The following DPP10 variants were observed in gnomAD, a reference collection of about 807,000 sequenced individuals.
DPP10 encodes the protein inactive dipeptidyl peptidase 10.
Under a neutral mutation model 120.9 loss-of-function variants are expected in DPP10, and 33 were observed. That is an observed-to-expected ratio of 0.27 (90% confidence interval 0.21 to 0.37). The LOEUF (loss-of-function observed/expected upper bound fraction) is 0.37, where lower values mean the gene tolerates loss of function less well. DPP10 is among the 10% of genes least tolerant of loss of function. The pLI is 1.00. For synonymous variants in DPP10, 337 were observed against 326.1 expected (o/e 1.03, Z -0.36); for missense variants, 816 against 942.8 (o/e 0.87, Z 1.76).
In DPP10 at chr2:115,675,824, A is replaced by T. The variant is rs556678309; in HGVS notation, c.442-13863A>T. On this transcript the variant is annotated intron_variant, in intron 5 of 25. Coordinates refer to ENST00000410059, the MANE Select transcript of DPP10 (RefSeq NM_020868.6). The stretch of plus-strand genomic sequence containing the variant: ...TGCAGCACAATGACATTTTGAGAGC[A>T]TGGTCACCATCAGAGTACATCCTTC... Among the ~76,000 whole-genome samples, 16 of 152,276 alleles carry T rather than the reference A, an allele frequency of 1.1e-4. 1 individual carries two copies. The South Asian group carries it at 3.3e-3, about 32-fold the overall frequency.
intron 3 of DPP10, among the ~76,000 whole-genome samples, chr2:115,492,134 A>G (rs1430032124): frequency 6.6e-6 from 1 of 152,170 alleles, no homozygotes; most frequent in Non-Finnish European, 1.5e-5. Flanking sequence ...AGAGGAAACA[A>G]AAATATTTGC....
At chr2:115,347,597 A>G (rs866781269) in intron 3 of DPP10, among the ~76,000 whole-genome samples, 10 of 151,984 alleles carry the variant, frequency 6.6e-5, no homozygotes, top group African/African-American at 2.4e-4. Flanking sequence ...CCCATCATCT[A>G]CATTAGGCAT....
chr2:114,612,182 A>G (rs952381925), intron 1 of DPP10, among the ~76,000 whole-genome samples: 3 of 152,110 alleles, frequency 2.0e-5, no homozygotes, highest in African/African-American at 4.8e-5. Flanking sequence ...GATGGCATCA[A>G]GGTACTTTCA....
At chr2:115,396,438 C>A (rs2176955) in intron 3 of DPP10, among the ~76,000 whole-genome samples, 122,952 of 152,142 alleles carry the variant, frequency 0.81, 49,930 homozygotes, top group Admixed American at 0.85. Flanking sequence ...TTGGAAATGA[C>A]TTGCTACGTG....
intron 5 of DPP10, among the ~76,000 whole-genome samples, chr2:115,552,700 A>G (rs893058588): frequency 1.3e-5 from 2 of 152,114 alleles, no homozygotes; most frequent in African/African-American, 4.8e-5. Context: ...TGTATTATCA[A>G]TAAATATTCA....
intron 5 of DPP10, among the ~76,000 whole-genome samples, chr2:115,653,695 G>A (rs1035848300): frequency 2.6e-5 from 4 of 151,652 alleles, no homozygotes; most frequent in African/African-American, 9.7e-5. Flanking sequence ...TTTCCAACTA[G>A]TGAATCCTCT....
intron 5 of DPP10, among the ~76,000 whole-genome samples, chr2:115,597,682 C>G (rs932286300): frequency 6.6e-6 from 1 of 151,572 alleles, no homozygotes; most frequent in African/African-American, 2.4e-5. Context: ...GTGCTCACTC[C>G]TCAAAAATAA....
chr2:114,929,631 C>T (rs758110781), intron 1 of DPP10, among the ~76,000 whole-genome samples: 13 of 152,188 alleles, frequency 8.5e-5, no homozygotes, highest in Non-Finnish European at 1.3e-4. Flanking sequence ...CCCTGAAAAT[C>T]GCTGTTATCC....
At chr2:115,805,654 A>T (rs1685866464) in intron 19 of DPP10, among the ~76,000 whole-genome samples, 2 of 149,678 alleles carry the variant, frequency 1.3e-5, no homozygotes, top group African/African-American at 5.0e-5. Flanking sequence ...GGCTCACTGC[A>T]ACCTCTGCCT....
intron 1 of DPP10, among the ~76,000 whole-genome samples, chr2:114,817,553 T>G (rs1028133835): frequency 1.3e-5 from 2 of 152,142 alleles, no homozygotes; most frequent in African/African-American, 4.8e-5. Flanking sequence ...GTTCTGGCCG[T>G]AGAGAAATGT....
intron 1 of DPP10, among the ~76,000 whole-genome samples, chr2:114,502,855 C>A (rs1032391470): frequency 3.9e-5 from 6 of 152,134 alleles, no homozygotes; most frequent in African/African-American, 1.4e-4. Flanking sequence ...GATTTCTATG[C>A]AAATTGAGAT....
At chr2:114,596,583 C>A (rs1377992351) in intron 1 of DPP10, among the ~76,000 whole-genome samples, 1 of 152,022 alleles carries the variant, frequency 6.6e-6, no homozygotes, top group African/African-American at 2.4e-5. Context: ...TTTCGGTGTT[C>A]ACTTTGTAGT....
chr2:115,543,495 T>C (rs187976353), intron 5 of DPP10, among the ~76,000 whole-genome samples: 1 of 152,158 alleles, frequency 6.6e-6, no homozygotes, highest in East Asian at 1.9e-4. Flanking sequence ...GCCAAATAAA[T>C]AGAAGTGCAT....
intron 24 of DPP10, among the ~76,000 whole-genome samples, chr2:115,838,473 G>A (rs954408821): frequency 5.3e-5 from 8 of 152,140 alleles, no homozygotes; most frequent in Non-Finnish European, 1.0e-4. Flanking sequence ...TAAAAGAGTA[G>A]ACACAATTGA....
At chr2:115,761,357 A>G (rs915072873) in intron 11 of DPP10, among the ~76,000 whole-genome samples, 1 of 152,244 alleles carries the variant, frequency 6.6e-6, no homozygotes, top group Admixed American at 6.5e-5. Flanking sequence ...ATAACTGCAA[A>G]GATAAATTAA....
intron 1 of DPP10, among the ~76,000 whole-genome samples, chr2:114,813,470 G>A (rs1346212970): frequency 6.6e-6 from 1 of 152,122 alleles, no homozygotes; most frequent in Non-Finnish European, 1.5e-5. Context: ...TACATACTTT[G>A]GCTTGTGCTC....
intron 1 of DPP10, among the ~76,000 whole-genome samples, chr2:114,985,478 A>G (rs566424164): frequency 7.2e-5 from 11 of 152,368 alleles, no homozygotes; most frequent in Admixed American, 6.5e-4. Flanking sequence ...TTACCAGAAC[A>G]GCAACCTATT....
At chr2:115,612,856 C>T (rs2084215350) in intron 5 of DPP10, among the ~76,000 whole-genome samples, 1 of 151,592 alleles carries the variant, frequency 6.6e-6, no homozygotes, top group South Asian at 2.1e-4. Context: ...TGCTAAACAT[C>T]TGTATCTTTT....
chr2:114,521,055 C>T (rs1685004259), intron 1 of DPP10, among the ~76,000 whole-genome samples: 1 of 151,774 alleles, frequency 6.6e-6, no homozygotes, highest in African/African-American at 2.4e-5. Context: ...AAACAAGACC[C>T]ATAGAGTAAA....
Sources: allele counts gnomAD v4.1 joint callset (sites outside exome capture counted in the v4.1 genomes callset), GRCh38; gene constraint gnomAD v4.1.1; transcripts MANE v1.5; gene names NCBI Gene and HGNC (gene_info 2026-07-23, HGNC 2026-07-21).